The following POLR3B variants were observed in gnomAD, a reference collection of about 807,000 sequenced individuals.
POLR3B encodes DNA-directed RNA polymerase III subunit RPC2.
Under a neutral mutation model 147.4 loss-of-function variants are expected in POLR3B, and 96 were observed. The ratio of observed to expected loss-of-function variants is 0.65; its 90% CI spans 0.55 to 0.77. POLR3B has a LOEUF of 0.77. POLR3B is among the 30% of genes least tolerant of loss of function. POLR3B has a pLI of 0.00. For missense variants in POLR3B, 1,036 were observed against 1,413.5 expected, an observed-to-expected ratio of 0.73 and a Z score of 4.28; for synonymous variants, 461 against 485.9, an observed-to-expected ratio of 0.95 and a Z score of 0.67.
Position 106,463,518 on chromosome 12 carries a change from A to T in POLR3B, c.2611A>T (p.Ile871Leu). The part of the protein sequence containing the change: ...ATDSYIEKVM[I>L]SSNAEDAFLI... Reference sequence around the variant, plus strand: ...AGACTCATATATTGAAAAAGTGATGATATCTTCAAATGCTGAAGATGCTTT... The same window carrying T: ...AGACTCATATATTGAAAAAGTGATGTTATCTTCAAATGCTGAAGATGCTTT... Residue 871 changes from isoleucine to leucine, a missense_variant, in exon 23 of 28, where the codon ATA (isoleucine) becomes TTA (leucine). Transcript: ENST00000228347. 6.2e-7 allele frequency: 1 copy of T among 1,612,266 alleles called. No individual in the cohort carries two copies.
At chr12:106,487,564 G>A (rs2137064814) in intron 23 of POLR3B, among the ~76,000 whole-genome samples, 1 of 152,250 alleles carries the variant, frequency 6.6e-6, no homozygotes, top group Admixed American at 6.5e-5. Context: ...TTTCTTAAAA[G>A]CTTACTTCGA....
chr12:106,477,738 C>G (rs901021926), intron 23 of POLR3B, among the ~76,000 whole-genome samples: 7 of 152,090 alleles, frequency 4.6e-5, no homozygotes, highest in African/African-American at 1.7e-4. Context: ...AGGGTACGCG[C>G]ACCCACTGGC....
intron 1 of POLR3B, among the ~76,000 whole-genome samples, 191 bp from the exon 2 acceptor site, chr12:106,363,679 C>T (rs2036496526): frequency 6.6e-6 from 1 of 152,272 alleles, no homozygotes; most frequent in East Asian, 1.9e-4. Context: ...TTTAGGAAAC[C>T]TGTAGTGTAT....
chr12:106,453,761 A>G (rs1189940220), intron 19 of POLR3B, among the ~76,000 whole-genome samples: 3 of 152,154 alleles, frequency 2.0e-5, no homozygotes, highest in Non-Finnish European at 4.4e-5. Flanking sequence ...TTCTGATTTC[A>G]TGTTCAGTTG....
chr12:106,363,823 C>T, intron 1 of POLR3B, 47 bp from the exon 2 acceptor site: 1 of 1,410,428 alleles, frequency 7.1e-7, no homozygotes, highest in South Asian at 1.2e-5. Context: ...TATGAAAGTA[C>T]TGTTGCTGGT....
rs71072675 is a variant in POLR3B, at chr12:106,405,539, T to TACACACACAC, written c.847-286_847-277dup. Among the ~76,000 whole-genome samples the TACACACACAC allele has an allele frequency of 0.075, 10,718 of 142,524 alleles. 577 individuals carry two copies. Among genetic ancestry groups the TACACACACAC allele is most frequent in the East Asian group, 0.23 (1,011 of 4,400 alleles). The allele number at this position is 142,524 out of a possible 152,430, so 93.5% of individuals were successfully genotyped here. A position where few individuals can be genotyped will look rare whatever the true frequency, so the allele number is the denominator to read the frequency against. On this transcript the variant is annotated intron_variant, in intron 10 of 27. Coordinates refer to ENST00000228347, the MANE Select transcript of POLR3B (RefSeq NM_018082.6). ...GAAGGACTGATGGCTGCTATATGTC[T>TACACACACAC]ACACACACACACACACACACACACA...
intron 12 of POLR3B, among the ~76,000 whole-genome samples, chr12:106,420,913 A>G (rs1019836086): frequency 6.6e-6 from 1 of 152,038 alleles, no homozygotes; most frequent in South Asian, 2.1e-4. Context: ...TTCCCCTACC[A>G]TCCTGAACTT....
chr12:106,384,045 T>G (rs2136906460), intron 9 of POLR3B, among the ~76,000 whole-genome samples: 1 of 151,290 alleles, frequency 6.6e-6, no homozygotes, highest in Middle Eastern at 3.5e-3. Context: ...GTGAAAAAGT[T>G]TGAAATATTG....
chr12:106,367,658 C>A (rs1184480887), intron 4 of POLR3B, among the ~76,000 whole-genome samples: 1 of 152,168 alleles, frequency 6.6e-6, no homozygotes, highest in Non-Finnish European at 1.5e-5. Flanking sequence ...GCTGTTCTCA[C>A]TGATTCGTAT....
intron 19 of POLR3B, among the ~76,000 whole-genome samples, chr12:106,446,757 C>G (rs1429059571): frequency 2.0e-5 from 3 of 152,066 alleles, no homozygotes; most frequent in Non-Finnish European, 4.4e-5. Context: ...TAAAAAAAAG[C>G]CTTTGTTACT....
At chr12:106,364,788 C>G (rs558832901) in intron 2 of POLR3B, among the ~76,000 whole-genome samples, 1 of 152,294 alleles carries the variant, frequency 6.6e-6, no homozygotes, top group East Asian at 1.9e-4. Context: ...AAGCAGGTAC[C>G]CGCTGCAACA....
rs11829364 is a variant in POLR3B, at chr12:106,372,343, T to G, written c.404+2660T>G. ...ATTTTGTGTGTGTGTGTTTTTTTTT[T>G]TTTTTTTTTTTTTGAGATGGAATTC... On this transcript the variant is annotated intron_variant, in intron 6 of 27. Transcript: ENST00000228347. 4.7e-3 allele frequency among the ~76,000 whole-genome samples: 395 copies of G among 83,708 alleles called. 2 individuals are homozygous for G. Among genetic ancestry groups the G allele is most frequent in the African/African-American group, 8.6e-3 (127 of 14,826 alleles). The allele number at this position is 83,708 out of a possible 152,430, so 54.9% of individuals were successfully genotyped here.
chr12:106,406,303 A>G (rs1205282991), intron 11 of POLR3B, among the ~76,000 whole-genome samples: 1 of 152,212 alleles, frequency 6.6e-6, no homozygotes, highest in African/African-American at 2.4e-5. Context: ...TACATGTTTT[A>G]TAAATAAATT....
chr12:106,426,001 T>C (rs1385571104), intron 12 of POLR3B, among the ~76,000 whole-genome samples: 1 of 152,162 alleles, frequency 6.6e-6, no homozygotes, highest in Non-Finnish European at 1.5e-5. Flanking sequence ...TTCATTTTCA[T>C]TGTTTTACAG....
chr12:106,415,314 G>A (rs1281026615), intron 12 of POLR3B, among the ~76,000 whole-genome samples: 1 of 152,184 alleles, frequency 6.6e-6, no homozygotes, highest in Non-Finnish European at 1.5e-5. Context: ...GTGGTTAATG[G>A]AAGATACCAA....
intron 10 of POLR3B, among the ~76,000 whole-genome samples, chr12:106,398,057 A>G (rs1953866585): frequency 6.6e-6 from 1 of 152,260 alleles, no homozygotes; most frequent in Non-Finnish European, 1.5e-5. Flanking sequence ...AGGAAGCACA[A>G]GGGGTCAGGG....
At chr12:106,508,197 A>G (rs1010446044) in intron 27 of POLR3B, among the ~76,000 whole-genome samples, 16 of 152,206 alleles carry the variant, frequency 1.1e-4, no homozygotes, top group Non-Finnish European at 2.4e-4. Flanking sequence ...TAAATGTCCC[A>G]GTGGACATTT....
chr12:106,467,221 A>T (rs9739759), intron 23 of POLR3B, among the ~76,000 whole-genome samples: 35,401 of 151,982 alleles, frequency 0.23, 4,494 homozygotes, highest in African/African-American at 0.32. Flanking sequence ...GCAATTGTGA[A>T]TGGGAGTTCA....
At chr12:106,399,182 A>G (rs1466672504) in intron 10 of POLR3B, among the ~76,000 whole-genome samples, 3 of 152,260 alleles carry the variant, frequency 2.0e-5, no homozygotes, top group Non-Finnish European at 4.4e-5. Context: ...TATGTGACGA[A>G]TGCAGAAGCC....
Sources: gnomAD v4.1 joint callset for allele counts (sites outside exome capture counted in the v4.1 genomes callset) on GRCh38, gnomAD v4.1.1 for gene constraint, MANE v1.5 for transcripts, NCBI Gene and HGNC (gene_info 2026-07-23, HGNC 2026-07-21) for gene names.